FBXO8: variants seen among roughly 807,000 people sequenced by gnomAD.
The protein encoded by FBXO8 is F-box only protein 8.
A neutral mutation model predicts 33.4 loss-of-function variants in FBXO8; 15 were observed. That is an observed-to-expected ratio of 0.45 (90% CI 0.30 to 0.69). The LOEUF is 0.69. Ranked by LOEUF, FBXO8 falls within the 30% of genes least tolerant of loss-of-function variation. The pLI, the probability that FBXO8 is intolerant of heterozygous loss-of-function variation, is 0.08. For synonymous variants in FBXO8, 132 were observed against 131.5 expected, an observed-to-expected ratio of 1.00 and a Z score of -0.02; for missense variants, 274 against 380.3, an observed-to-expected ratio of 0.72 and a Z score of 2.32.
At position 174,259,603 on chromosome 4, in the gene FBXO8, G is replaced by T. The variant is rs975800604; in HGVS notation, c.456+96C>A. The T allele has an allele frequency of 1.4e-6, 2 of 1,448,182 alleles. No homozygotes were observed. The highest frequency in any genetic ancestry group is 1.9e-6 in the Non-Finnish European group (2 of 1,064,402). 89.7% of individuals were successfully genotyped at this position (1,448,182 alleles called of 1,614,324 possible). On this transcript the variant is annotated intron_variant, in intron 3 of 5. Transcript: ENST00000393674. This position sits in a 1 kb window ranked among gnomAD's most constrained non-coding sequence, Gnocchi z 4.3. ...CAGTGATCAAAAAAGCATGTTCAAT[G>T]ACTTTTTGTTTTCCCTGCTAGTTTA...
At chr4:174,250,251 T>C (rs886132803) in intron 3 of FBXO8, among the ~76,000 whole-genome samples, 3 of 152,058 alleles carry the variant, frequency 2.0e-5, no homozygotes, top group African/African-American at 7.2e-5. Context: ...TAATAAATAT[T>C]TGTTGAATGA....
rs1406584413 is a variant in FBXO8, at chr4:174,270,603, C to T, written c.-8-7503G>A. 6.6e-6 allele frequency among the ~76,000 whole-genome samples: 1 copy of T among 151,434 alleles called. No individual in the cohort carries two copies. Among genetic ancestry groups the T allele is most frequent in the African/African-American group, 2.4e-5 (1 of 41,170 alleles). On this transcript the variant is annotated intron_variant, in intron 1 of 5. Coordinates refer to ENST00000393674, the MANE Select transcript of FBXO8 (RefSeq NM_012180.3). This position sits in a 1 kb window ranked among gnomAD's most constrained non-coding sequence, Gnocchi z 4.6. Reference sequence around the variant, plus strand: ...CTTCAAGATCATTTTTATTCATGCTCATGTCTTAGGAATAGTATTTTTTTT... The same window carrying T: ...CTTCAAGATCATTTTTATTCATGCTTATGTCTTAGGAATAGTATTTTTTTT...
rs570178246 is a variant in FBXO8, at chr4:174,252,895, C to T, written c.456+6804G>A. Among the ~76,000 whole-genome samples, 43 of 152,128 alleles carry T rather than the reference C, an allele frequency of 2.8e-4. No individual in the cohort carries two copies. The highest frequency in any genetic ancestry group is 2.6e-4 in the Non-Finnish European group (18 of 67,966). Reference sequence around the variant, plus strand: ...CTGAGGCACAAGAATTACCTGAGCCCGGGAGGTGGTGATTGCAGTGAGCCA... The same window carrying T: ...CTGAGGCACAAGAATTACCTGAGCCTGGGAGGTGGTGATTGCAGTGAGCCA... On this transcript the variant is annotated intron_variant, in intron 3 of 5. Transcript: ENST00000393674. The surrounding 1 kb of genome is among the most constrained non-coding windows in gnomAD (Gnocchi z 5.1).
chr4:174,281,249 G>A lies in FBXO8; in HGVS notation c.-9+2161C>T, dbSNP rs1391264962. Among the ~76,000 whole-genome samples, 1 of 151,972 alleles carries A rather than the reference G, an allele frequency of 6.6e-6. No homozygotes were observed. Among genetic ancestry groups the A allele is most frequent in the Non-Finnish European group, 1.5e-5 (1 of 68,002 alleles). ...CTCCATATAGAGTCTCTCCAAGCTT[G>A]GCTTACTTGCTAAAATCTGGTTCCT... On this transcript the variant is annotated intron_variant, in intron 1 of 5. Coordinates refer to ENST00000393674, the MANE Select transcript of FBXO8 (RefSeq NM_012180.3). This position sits in a 1 kb window ranked among gnomAD's most constrained non-coding sequence, Gnocchi z 4.6.
In FBXO8 at chr4:174,272,249, C is replaced by A. The variant is rs145868925; in HGVS notation, c.-8-9149G>T. 3.5e-3 allele frequency among the ~76,000 whole-genome samples: 536 copies of A among 152,274 alleles called. 3 individuals carry two copies. The highest frequency in any genetic ancestry group is 0.017 in the Middle Eastern group (5 of 294). On this transcript the variant is annotated intron_variant, in intron 1 of 5. Coordinates refer to ENST00000393674, the MANE Select transcript of FBXO8 (RefSeq NM_012180.3). This position sits in a 1 kb window ranked among gnomAD's most constrained non-coding sequence, Gnocchi z 4.7. ...GTTCCAGGATCACCCCCTCATGTCA[C>A]CTCCCCCAGATACCAAAATCCATGA...
In FBXO8 at chr4:174,265,719, A is replaced by G. The variant is rs559077258; in HGVS notation, c.-8-2619T>C. Among the ~76,000 whole-genome samples, 2 of 152,342 alleles carry G rather than the reference A, an allele frequency of 1.3e-5. No homozygotes were observed. Among genetic ancestry groups the G allele is most frequent in the African/African-American group, 4.8e-5 (2 of 41,596 alleles). On this transcript the variant is annotated intron_variant, in intron 1 of 5. Coordinates refer to ENST00000393674, the MANE Select transcript of FBXO8 (RefSeq NM_012180.3). This position sits in a 1 kb window ranked among gnomAD's most constrained non-coding sequence, Gnocchi z 4.7. ...AAATAGAGAATGTCAACAAAAAATT[A>G]TAAGTACAAGTTTTATATTTGTTTA...
At chr4:174,258,992 C>T (rs1736479568) in intron 3 of FBXO8, among the ~76,000 whole-genome samples, 1 of 151,674 alleles carries the variant, frequency 6.6e-6, no homozygotes, top group Non-Finnish European at 1.5e-5. Context: ...GTTCTGAGTG[C>T]TGTATAATTT....
intron 1 of FBXO8, among the ~76,000 whole-genome samples, chr4:174,268,587 T>C (rs149333386): frequency 8.1e-5 from 11 of 136,380 alleles, no homozygotes; most frequent in Admixed American, 3.1e-4. Context: ...AGGCGCCTGC[T>C]ACCACGCCCG....
rs1024111347 is a variant in FBXO8 at position 174,261,833 on chromosome 4, T to C, written c.329+931A>G. ...TTATTAAGTCTCTCAATTAGATTTC[T>C]AGTTTGAAATTATAGGAAGTCTTAA... On this transcript the variant is annotated intron_variant, in intron 2 of 5. Transcript: ENST00000393674. The surrounding 1 kb of genome is among the most constrained non-coding windows in gnomAD (Gnocchi z 4.1). Among the ~76,000 whole-genome samples, 1 of 152,102 alleles carries C rather than the reference T, an allele frequency of 6.6e-6. No individual in the cohort carries two copies. Among genetic ancestry groups the C allele is most frequent in the Non-Finnish European group, 1.5e-5 (1 of 67,932 alleles).
intron 1 of FBXO8, chr4:174,269,089 C>T (rs1429251152): frequency 6.6e-6 from 1 of 152,166 alleles, no homozygotes; most frequent in Non-Finnish European, 1.5e-5. Context: ...TTGTTCAAAG[C>T]TTCTTTATCA....
At position 174,237,896 on chromosome 4, in the gene FBXO8, TA is replaced by T. The variant is rs951890998; in HGVS notation, c.773-298del. Among the ~76,000 whole-genome samples, 4 of 152,094 alleles carry T rather than the reference TA, an allele frequency of 2.6e-5. No individual in the cohort carries two copies. Among genetic ancestry groups the T allele is most frequent in the Non-Finnish European group, 5.9e-5 (4 of 67,936 alleles). ...TTTAGAACAGTTTAGGAGTGTATAG[TA>T]AAAATTCATTCTAGATTTAAAAAAT... On this transcript the variant is annotated intron_variant, in intron 5 of 5. Coordinates refer to ENST00000393674, the MANE Select transcript of FBXO8 (RefSeq NM_012180.3). This position sits in a 1 kb window ranked among gnomAD's most constrained non-coding sequence, Gnocchi z 4.4.
At chr4:174,243,632 A>C (rs1736096232) in intron 3 of FBXO8, among the ~76,000 whole-genome samples, 1 of 150,938 alleles carries the variant, frequency 6.6e-6, no homozygotes, top group African/African-American at 2.4e-5. Flanking sequence ...GAATAACTAC[A>C]TATTTGTTTA....
intron 1 of FBXO8, among the ~76,000 whole-genome samples, chr4:174,280,114 A>G (rs1737045206): frequency 6.6e-6 from 1 of 152,184 alleles, no homozygotes; most frequent in Non-Finnish European, 1.5e-5. Flanking sequence ...TCTAATATCT[A>G]TAATTTACAG....
At position 174,247,734 on chromosome 4, in the gene FBXO8, C is replaced by T. The variant is rs75853195; in HGVS notation, c.457-6516G>A. 3.5e-3 allele frequency among the ~76,000 whole-genome samples: 537 copies of T among 152,038 alleles called. 2 individuals are homozygous for T. The highest frequency in any genetic ancestry group is 0.014 in the Middle Eastern group (4 of 292). On this transcript the variant is annotated intron_variant, in intron 3 of 5. Transcript: ENST00000393674. This position sits in a 1 kb window ranked among gnomAD's most constrained non-coding sequence, Gnocchi z 4.6. ...TGTAAAAATTAAGTGACACAATATA[C>T]GTTATTAATAGTAAAAATAATTGAC...
At chr4:174,239,249 A>T (rs1193940840) in intron 4 of FBXO8, 59 bp from the exon 5 acceptor site, 1 of 1,240,648 alleles carries the variant, frequency 8.1e-7, no homozygotes. Flanking sequence ...AAAAATGGTA[A>T]GAAAAATAAC....
At chr4:174,269,640 G>A (rs1451237548) in intron 1 of FBXO8, among the ~76,000 whole-genome samples, 2 of 149,872 alleles carry the variant, frequency 1.3e-5, no homozygotes, top group African/African-American at 4.9e-5. Context: ...AGCCGAGAAT[G>A]TGGCACTCCA....
intron 3 of FBXO8, among the ~76,000 whole-genome samples, chr4:174,246,626 G>A (rs187494762): frequency 3.3e-4 from 50 of 152,022 alleles, no homozygotes; most frequent in Admixed American, 2.7e-3. Context: ...ACCTACTCAT[G>A]TTAGAAGACA....
intron 3 of FBXO8, among the ~76,000 whole-genome samples, chr4:174,246,046 A>G (rs1736150767): frequency 6.6e-6 from 1 of 152,000 alleles, no homozygotes; most frequent in Admixed American, 6.6e-5. Flanking sequence ...GATATATTTT[A>G]AAAGTGAGGG....
chr4:174,268,690 C>G (rs1489717707), intron 1 of FBXO8, among the ~76,000 whole-genome samples: 2 of 152,196 alleles, frequency 1.3e-5, no homozygotes, highest in East Asian at 3.9e-4. Flanking sequence ...CCCGCCTTGG[C>G]CTCCCAAAGT....
Sources: allele counts gnomAD v4.1 joint callset (sites outside exome capture counted in the v4.1 genomes callset), GRCh38; gene constraint gnomAD v4.1.1; non-coding constraint Gnocchi (gnomAD v3.1); transcripts MANE v1.5; gene names NCBI Gene and HGNC (gene_info 2026-07-23, HGNC 2026-07-21).